ATP8A1: variants seen among roughly 807,000 people sequenced by gnomAD.
ATP8A1 encodes the protein ATPase phospholipid transporting 8A1, also known as phospholipid-transporting ATPase IA.
ATP8A1 carries 90 observed loss-of-function variants against 177.7 expected under a neutral mutation model. That is an observed-to-expected ratio of 0.51 (90% confidence interval 0.43 to 0.60). The LOEUF (loss-of-function observed/expected upper bound fraction) is 0.60. Among genes scored for constraint, ATP8A1 ranks in the 20% least tolerant of loss-of-function variants. The pLI is 0.00. For synonymous variants in ATP8A1, 493 were observed against 485.9 expected, an observed-to-expected ratio of 1.01 and a Z score of -0.19; for missense variants, 1,072 against 1,392.8, an observed-to-expected ratio of 0.77 and a Z score of 3.67.
chr4:42,411,897 C>G lies in ATP8A1; in HGVS notation c.*1019G>C, dbSNP rs1224508774. ...AAGACACAGGCATCTCTAGTGGGAA[C>G]TGGAACACAGGACAAAAGCCCATGC... On this transcript the variant is annotated 3_prime_UTR_variant, in exon 37 of 37. Transcript: ENST00000381668. 1 of 152,198 alleles carries G rather than the reference C, an allele frequency of 6.6e-6. No individual in the cohort carries two copies. The highest frequency in any genetic ancestry group is 2.4e-5 in the African/African-American group (1 of 41,452). 9.4% of individuals were successfully genotyped at this position (152,198 alleles called of 1,614,324 possible).
At chr4:42,428,907 CT>C (rs1233876332) in intron 33 of ATP8A1, among the ~76,000 whole-genome samples, 3 of 152,194 alleles carry the variant, frequency 2.0e-5, no homozygotes, top group Admixed American at 2.0e-4. Flanking sequence ...GAGGACACTA[CT>C]TGGGCTTCCG....
At chr4:42,516,900 A>G (rs933444161) in intron 22 of ATP8A1, among the ~76,000 whole-genome samples, 3 of 152,256 alleles carry the variant, frequency 2.0e-5, no homozygotes, top group Admixed American at 2.0e-4. Flanking sequence ...AAAGTGACAG[A>G]TCAAAGGTGA....
At chr4:42,639,255 G>A (rs1273894616) in intron 1 of ATP8A1, among the ~76,000 whole-genome samples, 1 of 152,104 alleles carries the variant, frequency 6.6e-6, no homozygotes, top group Non-Finnish European at 1.5e-5. Context: ...AAATAGATAG[G>A]TTCACATGTT....
chr4:42,545,619 G>A (rs954022725), intron 19 of ATP8A1, among the ~76,000 whole-genome samples: 4 of 152,128 alleles, frequency 2.6e-5, no homozygotes, highest in African/African-American at 4.8e-5. Context: ...CAAGTCTCCC[G>A]CGTTCCCTCC....
intron 25 of ATP8A1, among the ~76,000 whole-genome samples, chr4:42,478,340 C>T (rs1721299356): frequency 6.6e-6 from 1 of 152,068 alleles, no homozygotes; most frequent in Admixed American, 6.5e-5. Context: ...CACTGCAGTC[C>T]AGCCTGGGTG....
intron 6 of ATP8A1, among the ~76,000 whole-genome samples, chr4:42,599,643 G>GCA (rs753158497): frequency 4.6e-5 from 7 of 152,150 alleles, no homozygotes; most frequent in Non-Finnish European, 1.0e-4. Context: ...AGAATCAAGG[G>GCA]CATGGACTTC....
At chr4:42,522,746 G>A (rs929455746) in intron 21 of ATP8A1, among the ~76,000 whole-genome samples, 3 of 152,038 alleles carry the variant, frequency 2.0e-5, no homozygotes, top group Admixed American at 6.6e-5. Flanking sequence ...TTTTCCCAAC[G>A]ACTGCCCACT....
intron 30 of ATP8A1, among the ~76,000 whole-genome samples, chr4:42,447,817 C>G (rs952118658): frequency 2.0e-5 from 3 of 152,128 alleles, no homozygotes; most frequent in Non-Finnish European, 4.4e-5. Context: ...CTATGGAACT[C>G]TGTTTAGCTA....
At chr4:42,459,781 T>G (rs1718895655) in intron 27 of ATP8A1, among the ~76,000 whole-genome samples, 1 of 152,118 alleles carries the variant, frequency 6.6e-6, no homozygotes, top group Non-Finnish European at 1.5e-5. Context: ...TAGGTTATTT[T>G]TTTAATTTTT....
At chr4:42,583,325 T>A (rs73237907) in intron 9 of ATP8A1, among the ~76,000 whole-genome samples, 27,798 of 152,188 alleles carry the variant, frequency 0.18, 3,238 homozygotes, top group East Asian at 0.45. Flanking sequence ...CTTTAGGACC[T>A]GTCTGGAAGG....
At chr4:42,582,147 G>A (rs1043644345) in intron 9 of ATP8A1, among the ~76,000 whole-genome samples, 8 of 152,126 alleles carry the variant, frequency 5.3e-5, no homozygotes, top group Non-Finnish European at 1.2e-4. Flanking sequence ...TCCTTGTGAG[G>A]ACACAGCAAG....
chr4:42,426,003 C>A (rs1222369514), intron 33 of ATP8A1, among the ~76,000 whole-genome samples: 3 of 152,230 alleles, frequency 2.0e-5, no homozygotes, highest in Admixed American at 2.0e-4. Context: ...GATGCCGGCT[C>A]AAAATCGAAC....
intron 1 of ATP8A1, among the ~76,000 whole-genome samples, chr4:42,627,719 T>C (rs977438927): frequency 3.9e-5 from 6 of 152,188 alleles, no homozygotes; most frequent in African/African-American, 1.4e-4. Context: ...GGGTACTTTG[T>C]TGCAATGTTG....
At position 42,638,497 on chromosome 4, in the gene ATP8A1, T is replaced by C. The variant is rs959789994; in HGVS notation, c.50-11388A>G. Among the ~76,000 whole-genome samples, 8 of 152,166 alleles carry C rather than the reference T, an allele frequency of 5.3e-5. No individual in the cohort carries two copies. The South Asian group carries it at 1.7e-3, about 31-fold the overall frequency. Reference sequence around the variant, plus strand: ...TATGCCTAGAGTTGGGCGTCACACATAGTAAACAGTCAATCTTGTTGGCAG... The same window carrying C: ...TATGCCTAGAGTTGGGCGTCACACACAGTAAACAGTCAATCTTGTTGGCAG... On this transcript the variant is annotated intron_variant, in intron 1 of 36. Transcript: ENST00000381668.
At chr4:42,650,951 AT>A (rs916692463) in intron 1 of ATP8A1, among the ~76,000 whole-genome samples, 1 of 152,152 alleles carries the variant, frequency 6.6e-6, no homozygotes, top group African/African-American at 2.4e-5. Flanking sequence ...CTCATCTTGA[AT>A]TGTAAATCCC....
chr4:42,543,884 T>C, intron 20 of ATP8A1, 33 bp downstream of exon 20: 1 of 1,483,100 alleles, frequency 6.7e-7, no homozygotes, highest in Non-Finnish European at 9.3e-7. Context: ...CCATCATAAA[T>C]TATAACTGTA....
At chr4:42,590,981 AATT>A in intron 6 of ATP8A1, 97 bp from the exon 7 acceptor site, 1 of 1,101,516 alleles carries the variant, frequency 9.1e-7, no homozygotes, top group South Asian at 1.4e-5. Context: ...GAAAGTTCGA[AATT>A]ATTATAGAAA....
intron 25 of ATP8A1, among the ~76,000 whole-genome samples, chr4:42,475,811 G>A (rs943774404): frequency 5.3e-5 from 8 of 152,072 alleles, no homozygotes; most frequent in Non-Finnish European, 7.4e-5. Flanking sequence ...GCCGAGGTGG[G>A]TAGATCACCT....
At chr4:42,498,462 T>C (rs767678271) in intron 24 of ATP8A1, among the ~76,000 whole-genome samples, 2 of 152,190 alleles carry the variant, frequency 1.3e-5, no homozygotes, top group African/African-American at 2.4e-5. Context: ...TGTTGAAAAA[T>C]ATATATTCTA....
Sources: allele counts gnomAD v4.1 joint callset (sites outside exome capture counted in the v4.1 genomes callset), GRCh38; gene constraint gnomAD v4.1.1; transcripts MANE v1.5; gene names NCBI Gene and HGNC (gene_info 2026-07-23, HGNC 2026-07-21).